ABCC6: variants seen among roughly 807,000 people sequenced by gnomAD.
ABCC6 encodes the protein ATP binding cassette subfamily C member 6.
ABCC6 carries 126 observed loss-of-function variants against 169.5 expected under a neutral mutation model. That is an observed-to-expected ratio of 0.74 (90% CI 0.64 to 0.86). The LOEUF (loss-of-function observed/expected upper bound fraction) is 0.86, where lower values mean the gene tolerates loss of function less well. ABCC6 is among the 40% of genes least tolerant of loss of function. ABCC6 has a pLI of 0.00. For synonymous variants in ABCC6, 752 were observed against 814.7 expected (o/e 0.92, Z 1.31); for missense variants, 1,733 against 1,927.2 (o/e 0.90, Z 1.89).
chr16:16,208,802 C>T lies in ABCC6; in HGVS notation c.720G>A (p.Gly240=), dbSNP rs1265293738. Residue 240 remains glycine, a synonymous_variant, in exon 7 of 31, where the codon GGG becomes GGA. Coordinates refer to ENST00000205557, the MANE Select transcript of ABCC6 (RefSeq NM_001171.6). ...PLRPKDLWSL[G]RENSSEELVS... is the part of the protein sequence containing the mutation. ...CAAGTTCTTCTGAGGAGTTTTCTCT[C>T]CCAAGCGACCAGAGGTCTTTTGGTC... 3 of 1,613,458 alleles carry T rather than the reference C, an allele frequency of 1.9e-6. No homozygotes were observed. In the Admixed American group the frequency reaches 5.0e-5, roughly 27 times the overall value.
intron 6 of ABCC6, among the ~76,000 whole-genome samples, chr16:16,210,135 T>C (rs1032047088): frequency 1.3e-5 from 2 of 151,846 alleles, no homozygotes; most frequent in Non-Finnish European, 2.9e-5. Context: ...CTTTTTTATT[T>C]TTATTCTTTT....
At chr16:16,190,488 T>C in intron 11 of ABCC6, 121 bp from the exon 12 acceptor site, 12 of 1,085,860 alleles carry the variant, frequency 1.1e-5, no homozygotes, top group Non-Finnish European at 1.6e-5. Flanking sequence ...CAAACCTGTC[T>C]GCCTCTCAGC....
In ABCC6 at chr16:16,169,770, C is replaced by G. The variant is rs1234706095; in HGVS notation, c.2871G>C (p.Gln957His). The change falls in exon 22 of 31, where the codon CAG (glutamine) becomes CAC (histidine). Residue 957 changes from glutamine (Q) to histidine (H), a missense_variant. This residue lies in a region of ABCC6 where 1,601 missense variants were observed against 1,635.5 expected (regional missense o/e 0.98). Coordinates refer to ENST00000205557, the MANE Select transcript of ABCC6 (RefSeq NM_001171.6). ...AGCCCCGGCAGAAGGAGGCCACTTG[C>G]TGGCAGAGGAAGAGGAAGAGTGCGT... ...CLYALFLFLC[Q>H]QVASFCRGYW... 1.3e-6 allele frequency: 2 copies of G among 1,595,908 alleles called. No homozygotes were observed. The highest frequency in any genetic ancestry group is 1.8e-5 in the Admixed American group (1 of 56,910).
intron 7 of ABCC6, among the ~76,000 whole-genome samples, chr16:16,205,808 G>C (rs2048375389): frequency 6.6e-6 from 1 of 152,132 alleles, no homozygotes; most frequent in Non-Finnish European, 1.5e-5. Context: ...TCCAGCTCCT[G>C]CACACAGTAG....
At chr16:16,182,619 G>C (rs1161414756) in intron 16 of ABCC6, 31 bp from the exon 17 acceptor site, 1 of 1,608,210 alleles carries the variant, frequency 6.2e-7, no homozygotes, top group African/African-American at 1.3e-5. Context: ...GTCACAGGAG[G>C]ATGATGGGGA....
rs139145602 is a variant in ABCC6, at chr16:16,184,845, C to T, written c.1943+114G>A. The stretch of plus-strand genomic sequence containing the variant: ...CAGAGCCCCAGCCCAGCCAAACCCA[C>T]CCTCCAGTCCCAGGCTGGAAACCTA... On this transcript the variant is annotated intron_variant, in intron 15 of 30. Transcript: ENST00000205557. 4.4e-4 allele frequency: 524 copies of T among 1,189,424 alleles called. 4 individuals are homozygous for T. In the Middle Eastern group the frequency reaches 0.012, roughly 27 times the overall value. 73.7% of individuals were successfully genotyped at this position (1,189,424 alleles called of 1,614,324 possible).
chr16:16,210,360 A>C (rs2048562826), intron 6 of ABCC6, among the ~76,000 whole-genome samples: 4 of 151,348 alleles, frequency 2.6e-5, no homozygotes, highest in South Asian at 4.2e-4. Flanking sequence ...TGGTCTCGAA[A>C]TCCTGACCTC....
At chr16:16,161,258 G>A (rs2046707251) in intron 25 of ABCC6, among the ~76,000 whole-genome samples, 180 bp downstream of exon 25, 1 of 152,226 alleles carries the variant, frequency 6.6e-6, no homozygotes, top group African/African-American at 2.4e-5. Flanking sequence ...TCTTGCCCAA[G>A]GTTGCAAGTT....
chr16:16,175,896 C>T lies in ABCC6; in HGVS notation c.2666+15G>A, dbSNP rs554746448. The T allele has an allele frequency of 3.2e-5, 52 of 1,614,028 alleles. No individual in the cohort carries two copies. The South Asian group carries it at 5.1e-4, about 16-fold the overall frequency. ...AGCCTGTGCCCTTCTGAGTGTGGCA[C>T]CATGGTGGACTCACCTCTCGCGTCT... On this transcript the variant is annotated intron_variant, in intron 20 of 30. Coordinates refer to ENST00000205557, the MANE Select transcript of ABCC6 (RefSeq NM_001171.6).
At chr16:16,187,997 T>C (rs554761872) in intron 13 of ABCC6, among the ~76,000 whole-genome samples, 2 of 151,964 alleles carry the variant, frequency 1.3e-5, no homozygotes, top group East Asian at 3.9e-4. Context: ...TTTGGGAGGC[T>C]GAGGCGGGCT....
chr16:16,184,219 A>G (rs902004181), intron 15 of ABCC6: 1 of 240,796 alleles, frequency 4.2e-6, no homozygotes, highest in South Asian at 3.7e-5. Flanking sequence ...AAAAAAAAAA[A>G]AAAAAAAAGA....
chr16:16,213,562 T>C (rs1445644996), intron 5 of ABCC6, among the ~76,000 whole-genome samples: 59 of 145,314 alleles, frequency 4.1e-4, no homozygotes, highest in African/African-American at 1.3e-3. Flanking sequence ...TTCCTTCTTT[T>C]TTTTTTTTTT....
intron 20 of ABCC6, 89 bp downstream of exon 20, chr16:16,175,822 C>T (rs943402732): frequency 1.4e-6 from 2 of 1,462,564 alleles, no homozygotes; most frequent in African/African-American, 2.8e-5. Flanking sequence ...TTTTGGTTGC[C>T]CGCCTAACTG....
intron 25 of ABCC6, among the ~76,000 whole-genome samples, 154 bp downstream of exon 25, chr16:16,161,284 T>G (rs1481218109): frequency 6.6e-6 from 1 of 152,228 alleles, no homozygotes; most frequent in Admixed American, 6.5e-5. Context: ...TAGCTGAGTC[T>G]GGCTCTTGTA....
At chr16:16,183,063 T>G in intron 15 of ABCC6, 133 bp from the exon 16 acceptor site, 1 of 1,379,508 alleles carries the variant, frequency 7.2e-7, no homozygotes, top group Non-Finnish European at 1.0e-6. Context: ...CTGTTCTTTT[T>G]CCCAGTCCTT....
chr16:16,162,882 C>T (rs2046763471), intron 24 of ABCC6, 111 bp downstream of exon 24: 10 of 1,407,434 alleles, frequency 7.1e-6, no homozygotes, highest in African/African-American at 1.4e-5. Flanking sequence ...CTAGCCTCAA[C>T]TATGTCCCTG....
intron 27 of ABCC6, chr16:16,155,803 C>T (rs1028943264): frequency 1.3e-5 from 2 of 152,372 alleles, no homozygotes; most frequent in African/African-American, 4.8e-5. Flanking sequence ...TGTTTAGGCA[C>T]CGGAAGTATA....
chr16:16,198,264 G>A (rs1423825657), intron 9 of ABCC6, 82 bp from the exon 10 acceptor site: 3 of 1,467,856 alleles, frequency 2.0e-6, no homozygotes, highest in African/African-American at 2.8e-5. Flanking sequence ...CACCCACTGA[G>A]CCCCACCTCA....
intron 26 of ABCC6, 42 bp downstream of exon 26, chr16:16,159,440 T>G (rs776633873): frequency 1.2e-4 from 179 of 1,447,808 alleles, no homozygotes; most frequent in Middle Eastern, 1.7e-4. Flanking sequence ...CCCCCCACAA[T>G]ATGTCCTTGC....
Sources: allele counts gnomAD v4.1 joint callset (sites outside exome capture counted in the v4.1 genomes callset), GRCh38; gene constraint gnomAD v4.1.1; regional missense constraint gnomAD v4.1.1; transcripts MANE v1.5; gene names NCBI Gene and HGNC (gene_info 2026-07-23, HGNC 2026-07-21).